The following AASS variants were observed in gnomAD, a reference collection of about 807,000 sequenced individuals.
The protein encoded by AASS is alpha-aminoadipic semialdehyde synthase, mitochondrial.
Under a neutral mutation model 105.4 loss-of-function variants are expected in AASS, and 86 were observed. The ratio of observed to expected loss-of-function variants is 0.82; its 90% CI spans 0.69 to 0.98. The LOEUF (loss-of-function observed/expected upper bound fraction) is 0.98, where lower values mean the gene tolerates loss of function less well. AASS is among the 50% of genes least tolerant of loss of function. The pLI, the probability that AASS is intolerant of heterozygous loss-of-function variation, is 0.00. For missense variants in AASS, 1,048 were observed against 1,143.2 expected (o/e 0.92, Z 1.20); for synonymous variants, 381 against 394.8 (o/e 0.96, Z 0.41).
At chr7:122,116,513 C>A in intron 8 of AASS, 120 bp downstream of exon 8, 1 of 1,290,806 alleles carries the variant, frequency 7.7e-7, no homozygotes, top group African/African-American at 1.5e-5. Flanking sequence ...TCATGATACC[C>A]AAAGGACTCA....
chr7:122,081,198 C>T (rs911604151), intron 20 of AASS, among the ~76,000 whole-genome samples: 2 of 152,160 alleles, frequency 1.3e-5, no homozygotes, highest in African/African-American at 4.8e-5. Context: ...TGGGTCACCA[C>T]CTAGACAACT....
At chr7:122,099,793 G>A (rs1794341551) in intron 13 of AASS, among the ~76,000 whole-genome samples, 1 of 150,064 alleles carries the variant, frequency 6.7e-6, no homozygotes, top group South Asian at 2.1e-4. Context: ...ATAAATATAA[G>A]TATAAAAAAT....
At chr7:122,107,391 A>G (rs1440009645) in intron 11 of AASS, among the ~76,000 whole-genome samples, 1 of 152,156 alleles carries the variant, frequency 6.6e-6, no homozygotes, top group Non-Finnish European at 1.5e-5. Context: ...ACTGGGTAAT[A>G]TACCCAAAGG....
At chr7:122,080,842 G>T (rs1175830487) in intron 20 of AASS, among the ~76,000 whole-genome samples, 1 of 152,076 alleles carries the variant, frequency 6.6e-6, no homozygotes, top group East Asian at 1.9e-4. Flanking sequence ...AGCAACATTG[G>T]TCCTTTTCTC....
intron 20 of AASS, among the ~76,000 whole-genome samples, chr7:122,080,087 G>A (rs1168716851): frequency 3.9e-5 from 6 of 152,240 alleles, no homozygotes; most frequent in African/African-American, 1.4e-4. Context: ...AGTGGAAAAG[G>A]CTTACTGCAG....
intron 19 of AASS, among the ~76,000 whole-genome samples, chr7:122,082,333 C>T (rs763015820): frequency 9.2e-5 from 14 of 152,160 alleles, no homozygotes; most frequent in Non-Finnish European, 2.1e-4. Flanking sequence ...TTCCAGAAAC[C>T]AGGGCCTCTG....
intron 21 of AASS, 132 bp from the exon 22 acceptor site, chr7:122,079,082 C>G (rs1400105486): frequency 6.4e-7 from 1 of 1,564,528 alleles, no homozygotes; most frequent in African/African-American, 1.4e-5. Flanking sequence ...TTGTAGGATT[C>G]TCCTAAAATG....
At chr7:122,133,809 T>C in intron 1 of AASS, 68 bp from the exon 2 acceptor site, 5 of 1,310,834 alleles carry the variant, frequency 3.8e-6, no homozygotes, top group Non-Finnish European at 5.5e-6. Flanking sequence ...TCTGGTCTCC[T>C]GAGAAATCTG....
chr7:122,082,959 G>T, intron 19 of AASS: 1 of 993,146 alleles, frequency 1.0e-6, no homozygotes, highest in Non-Finnish European at 1.4e-6. Flanking sequence ...AGACCATAAT[G>T]GTTTATTCCC....
At chr7:122,090,333 C>A (rs1197676046) in intron 18 of AASS, among the ~76,000 whole-genome samples, 1 of 152,064 alleles carries the variant, frequency 6.6e-6, no homozygotes, top group Non-Finnish European at 1.5e-5. Flanking sequence ...ATATTAGAAT[C>A]ACTAGGAAGA....
chr7:122,139,614 C>T (rs1340948444), intron 1 of AASS, among the ~76,000 whole-genome samples: 1 of 151,984 alleles, frequency 6.6e-6, no homozygotes, highest in Non-Finnish European at 1.5e-5. Context: ...AAATGTAACT[C>T]GATCAAGATT....
chr7:122,076,383 C>T lies in AASS; in HGVS notation c.*106G>A, dbSNP rs1463830412. On this transcript the variant is annotated 3_prime_UTR_variant, in exon 24 of 24. Transcript: ENST00000417368. ...AAAAAGTACATTGTGTTAACCAAAACATATTATGCTTTATACTTTAAAACA... is the reference window on the plus strand; with the variant it reads ...AAAAAGTACATTGTGTTAACCAAAATATATTATGCTTTATACTTTAAAACA... The T allele has an allele frequency of 8.6e-6, 7 of 814,258 alleles. No homozygotes were observed. The highest frequency in any genetic ancestry group is 7.3e-5 in the East Asian group (3 of 41,232). The allele number at this position is 814,258 out of a possible 1,614,324, so 50.4% of individuals were successfully genotyped here. A position where few individuals can be genotyped will look rare whatever the true frequency, so the allele number is the denominator to read the frequency against.
In AASS at chr7:122,113,163, A is replaced by G; in HGVS notation, c.1233T>C (p.Ala411=). 6.2e-7 allele frequency: 1 copy of G among 1,614,060 alleles called. No homozygotes were observed. Among genetic ancestry groups the G allele is most frequent in the South Asian group, 1.1e-5 (1 of 91,086 alleles). Residue 411 remains alanine (A), a synonymous_variant, in exon 11 of 24, where the codon GCT becomes GCC. Transcript: ENST00000417368. ...DNLPAQLPIE[A]TECFGDMLYP... is the part of the protein sequence containing the mutation. The stretch of plus-strand genomic sequence containing the variant: ...AAAGCATGTCTCCAAAGCATTCTGT[A>G]GCTTCAATTGGGAGCTGTGCCGGCA...
chr7:122,126,155 T>A (rs1017586537), intron 4 of AASS, among the ~76,000 whole-genome samples: 29 of 152,364 alleles, frequency 1.9e-4, no homozygotes, highest in African/African-American at 6.5e-4. Flanking sequence ...GTTGTTATCC[T>A]TCTCCCTGCT....
intron 2 of AASS, among the ~76,000 whole-genome samples, chr7:122,132,100 T>C (rs1288487112): frequency 6.6e-6 from 1 of 152,176 alleles, no homozygotes; most frequent in African/African-American, 2.4e-5. Flanking sequence ...TCACAACTCA[T>C]CTTTTAAGCA....
rs60690049 is a variant in AASS at position 122,092,724 on chromosome 7, CA to C, written c.1875+118del. 40,115 of 696,468 alleles carry C rather than the reference CA, an allele frequency of 0.058. 147 individuals are homozygous for C. Among genetic ancestry groups the C allele is most frequent in the African/African-American group, 0.086 (4,754 of 55,066 alleles). The allele number at this position is 696,468 out of a possible 1,614,324, so 43.1% of individuals were successfully genotyped here. ...GGGCAACAAGAGCAAAACTCAGTCTCAAAAAAAAAAAATCTTTAACTTTGAT... is the reference window on the plus strand; with the variant it reads ...GGGCAACAAGAGCAAAACTCAGTCTCAAAAAAAAAAATCTTTAACTTTGAT... On this transcript the variant is annotated intron_variant, in intron 17 of 23. Coordinates refer to ENST00000417368, the MANE Select transcript of AASS (RefSeq NM_005763.4).
chr7:122,090,808 C>T (rs1793861446), intron 18 of AASS, among the ~76,000 whole-genome samples: 1 of 152,102 alleles, frequency 6.6e-6, no homozygotes, highest in Admixed American at 6.6e-5. Flanking sequence ...TCTTAACTCC[C>T]TAAACCTGAT....
At chr7:122,099,320 G>C (rs1228213325) in intron 13 of AASS, among the ~76,000 whole-genome samples, 1 of 151,832 alleles carries the variant, frequency 6.6e-6, no homozygotes, top group Non-Finnish European at 1.5e-5. Context: ...TTGAGGAAGA[G>C]AATATTATTA....
chr7:122,085,448 G>A (rs962609027), intron 19 of AASS, among the ~76,000 whole-genome samples: 2 of 151,744 alleles, frequency 1.3e-5, no homozygotes, highest in African/African-American at 4.8e-5. Flanking sequence ...ATTTGCTCTG[G>A]GGAAGCCCCT....
Sources: gnomAD v4.1 joint callset for allele counts (sites outside exome capture counted in the v4.1 genomes callset) on GRCh38, gnomAD v4.1.1 for gene constraint, MANE v1.5 for transcripts, NCBI Gene and HGNC (gene_info 2026-07-23, HGNC 2026-07-21) for gene names.